Variants in NYAP2 observed in about 807,000 individuals in gnomAD.
The protein encoded by NYAP2 is neuronal tyrosine-phosphorylated phosphoinositide-3-kinase adapter 2.
A neutral mutation model predicts 50.4 loss-of-function variants in NYAP2; 23 were observed. That is an observed-to-expected ratio of 0.46 (90% CI 0.33 to 0.65). The LOEUF (loss-of-function observed/expected upper bound fraction) is 0.65. NYAP2 is among the 30% of genes least tolerant of loss of function. The probability of loss-of-function intolerance (pLI) is 0.02; values close to 1 mark genes in which losing one functional copy is unlikely to be tolerated. For missense variants in NYAP2, 885 were observed against 861.0 expected (o/e 1.03, Z -0.35); for synonymous variants, 394 against 365.2 (o/e 1.08, Z -0.90).
At chr2:225,566,097 A>G (rs1191760232) in intron 4 of NYAP2, among the ~76,000 whole-genome samples, 2 of 152,068 alleles carry the variant, frequency 1.3e-5, no homozygotes, top group Non-Finnish European at 2.9e-5. Flanking sequence ...AATTGTACCT[A>G]CCTCATAGGG....
intron 4 of NYAP2, among the ~76,000 whole-genome samples, chr2:225,516,284 C>T (rs1398301843): frequency 6.6e-6 from 1 of 152,162 alleles, no homozygotes; most frequent in Non-Finnish European, 1.5e-5. Context: ...AAGCAGAATG[C>T]AGCAGTTCAA....
At chr2:225,455,546 C>T (rs539812343) in intron 3 of NYAP2, among the ~76,000 whole-genome samples, 11 of 152,280 alleles carry the variant, frequency 7.2e-5, no homozygotes, top group African/African-American at 2.6e-4. Context: ...TGGCCAATGA[C>T]TCAGTGTAAA....
intron 3 of NYAP2, among the ~76,000 whole-genome samples, 167 bp downstream of exon 3, chr2:225,409,268 A>G (rs370854616): frequency 1.3e-5 from 2 of 152,070 alleles, no homozygotes; most frequent in East Asian, 1.9e-4. Flanking sequence ...CACCACCCAC[A>G]CTGCCAACAG....
intron 4 of NYAP2, among the ~76,000 whole-genome samples, chr2:225,535,256 T>C (rs1308263280): frequency 6.6e-6 from 1 of 152,208 alleles, no homozygotes; most frequent in Non-Finnish European, 1.5e-5. Flanking sequence ...TGGACAAAAC[T>C]TAACACTGGG....
intron 4 of NYAP2, among the ~76,000 whole-genome samples, chr2:225,541,076 A>G (rs976396674): frequency 1.3e-5 from 2 of 152,040 alleles, no homozygotes; most frequent in African/African-American, 4.8e-5. Flanking sequence ...CCTGTTTGCA[A>G]TTTGTATGTC....
At chr2:225,629,366 T>A (rs1045977799) in intron 6 of NYAP2, among the ~76,000 whole-genome samples, 4 of 152,206 alleles carry the variant, frequency 2.6e-5, no homozygotes, top group African/African-American at 9.6e-5. Flanking sequence ...GTGATTCAGA[T>A]ACTAATCTCT....
At chr2:225,533,147 A>G (rs1691287151) in intron 4 of NYAP2, among the ~76,000 whole-genome samples, 1 of 152,222 alleles carries the variant, frequency 6.6e-6, no homozygotes, top group East Asian at 1.9e-4. Flanking sequence ...AACTGTTGAA[A>G]ATAAGGACAT....
intron 3 of NYAP2, among the ~76,000 whole-genome samples, chr2:225,490,177 C>A (rs912550577): frequency 6.6e-6 from 1 of 152,142 alleles, no homozygotes; most frequent in Non-Finnish European, 1.5e-5. Flanking sequence ...TTTGTCAGAG[C>A]ACTTTGGAAA....
chr2:225,441,111 C>T (rs1689463261), intron 3 of NYAP2, among the ~76,000 whole-genome samples: 1 of 152,324 alleles, frequency 6.6e-6, no homozygotes, highest in South Asian at 2.1e-4. Context: ...TCAAGGATTG[C>T]AGTAATGAGA....
chr2:225,572,600 T>A (rs115447303), intron 4 of NYAP2, among the ~76,000 whole-genome samples: 2 of 152,230 alleles, frequency 1.3e-5, no homozygotes, highest in Non-Finnish European at 2.9e-5. Flanking sequence ...TTGGGGATTA[T>A]GGGAATTACA....
chr2:225,659,425 A>G, the NYAP2 span, among the ~76,000 whole-genome samples: 19 of 152,302 alleles, frequency 1.2e-4, no homozygotes, highest in African/African-American at 3.4e-4. Flanking sequence ...TGCCTGCATC[A>G]TTGTAGGTGT....
intron 5 of NYAP2, among the ~76,000 whole-genome samples, chr2:225,591,784 T>C (rs960435823): frequency 6.6e-6 from 1 of 152,174 alleles, no homozygotes; most frequent in Non-Finnish European, 1.5e-5. Context: ...AATTCACCAA[T>C]TTTCATCAAA....
chr2:225,575,971 G>A (rs1350110460), intron 4 of NYAP2, among the ~76,000 whole-genome samples: 1 of 152,162 alleles, frequency 6.6e-6, no homozygotes, highest in Non-Finnish European at 1.5e-5. Context: ...GTTTTAAAAT[G>A]CTGGTTACAA....
intron 3 of NYAP2, among the ~76,000 whole-genome samples, chr2:225,425,543 T>C (rs1226647896): frequency 1.3e-5 from 2 of 152,144 alleles, no homozygotes; most frequent in African/African-American, 2.4e-5. Flanking sequence ...TGACACACAC[T>C]TGGAATGGGA....
chr2:225,687,020 T>A, the NYAP2 span, among the ~76,000 whole-genome samples: 165 of 152,286 alleles, frequency 1.1e-3, no homozygotes, highest in Non-Finnish European at 1.2e-3. Context: ...CTTGTGTGTA[T>A]GTGTTTCTAA....
intron 3 of NYAP2, among the ~76,000 whole-genome samples, chr2:225,409,688 C>T (rs1695001423): frequency 6.6e-6 from 1 of 152,102 alleles, no homozygotes; most frequent in South Asian, 2.1e-4. Context: ...CAGCTACTAG[C>T]TGGTGAGCCC....
chr2:225,507,274 C>T (rs778947103), intron 3 of NYAP2, among the ~76,000 whole-genome samples: 3 of 152,180 alleles, frequency 2.0e-5, no homozygotes, highest in Non-Finnish European at 4.4e-5. Flanking sequence ...AAACTGCATG[C>T]AGAAGCAACA....
intron 6 of NYAP2, among the ~76,000 whole-genome samples, chr2:225,630,423 C>G (rs1002666608): frequency 6.6e-6 from 1 of 152,144 alleles, no homozygotes; most frequent in African/African-American, 2.4e-5. Context: ...GATGACAAAG[C>G]TGATGGACTA....
chr2:225,519,608 T>C (rs1395820601), intron 4 of NYAP2, among the ~76,000 whole-genome samples: 1 of 152,188 alleles, frequency 6.6e-6, no homozygotes, highest in Non-Finnish European at 1.5e-5. Context: ...AACTCATCAT[T>C]TTTTATGGCT....
Sources: gnomAD v4.1 joint callset for allele counts (sites outside exome capture counted in the v4.1 genomes callset) on GRCh38, gnomAD v4.1.1 for gene constraint, MANE v1.5 for transcripts, NCBI Gene and HGNC (gene_info 2026-07-23, HGNC 2026-07-21) for gene names.